PDIA6: variants seen among roughly 807,000 people sequenced by gnomAD.
The protein encoded by PDIA6 is protein disulfide-isomerase A6.
A neutral mutation model predicts 58.4 loss-of-function variants in PDIA6; 29 were observed. That is an observed-to-expected ratio of 0.50 (90% CI 0.37 to 0.68). The LOEUF (loss-of-function observed/expected upper bound fraction) is 0.68, where lower values mean the gene tolerates loss of function less well. PDIA6 is among the 30% of genes least tolerant of loss of function. PDIA6 has a pLI of 0.00. For synonymous variants in PDIA6, 192 were observed against 202.6 expected (o/e 0.95, Z 0.44); for missense variants, 480 against 551.0 (o/e 0.87, Z 1.29).
chr2:10,812,860 GC>G, upstream of PDIA6: 2 of 1,161,934 alleles, frequency 1.7e-6, no homozygotes, highest in Non-Finnish European at 2.1e-6. Flanking sequence ...AGCCGTGGCT[GC>G]GGCTCATTGG....
At chr2:10,822,530 A>G (rs1686494) in intron 1 of PDIA6, among the ~76,000 whole-genome samples, 150,992 of 152,272 alleles carry the variant, frequency 0.99, 74,878 homozygotes, top group Middle Eastern at 1. Context: ...CCAAAGTGCT[A>G]GGATTACAGG....
chr2:10,796,522 GA>G lies in PDIA6; in HGVS notation c.346+558del, dbSNP rs1360458559. On this transcript the variant is annotated intron_variant, in intron 4 of 12. Transcript: ENST00000272227. ...TCTTAAAAAAAAAAAAAAAAGAAAAGAAAAAAAGAATAGTGTGGCTGAAATA... is the reference window on the plus strand; with the variant it reads ...TCTTAAAAAAAAAAAAAAAAGAAAAGAAAAAAGAATAGTGTGGCTGAAATA... Among the ~76,000 whole-genome samples the G allele has an allele frequency of 4.0e-5, 6 of 149,044 alleles. No individual in the cohort carries two copies. The South Asian group carries it at 6.4e-4, about 16-fold the overall frequency.
intron 1 of PDIA6, among the ~76,000 whole-genome samples, chr2:10,808,148 G>A (rs753942633): frequency 2.6e-5 from 4 of 152,222 alleles, no homozygotes; most frequent in East Asian, 1.9e-4. Context: ...ATCATTCAGA[G>A]GAAAGAATAG....
chr2:10,812,723 C>A lies in PDIA6; in HGVS notation c.-27G>T. The A allele has an allele frequency of 1.3e-6, 2 of 1,501,386 alleles. No homozygotes were observed. Among genetic ancestry groups the A allele is most frequent in the East Asian group, 2.9e-5 (1 of 34,984 alleles). The allele number at this position is 1,501,386 out of a possible 1,614,324, so 93.0% of individuals were successfully genotyped here. ...CCGAGCGCCGGGCTACGTGCAGTCC[C>A]CACCGCCGCCGCCGCTTCAGCCCTG... On this transcript the variant is annotated 5_prime_UTR_variant, in exon 1 of 13. Coordinates refer to ENST00000272227, the MANE Select transcript of PDIA6 (RefSeq NM_005742.4).
chr2:10,797,508 T>C (rs1330864913), intron 3 of PDIA6, among the ~76,000 whole-genome samples, 192 bp downstream of exon 3: 2 of 152,242 alleles, frequency 1.3e-5, no homozygotes, highest in African/African-American at 4.8e-5. Flanking sequence ...AAATGTGTAT[T>C]ATCCCCTTGT....
chr2:10,806,893 A>T (rs1262754985), intron 1 of PDIA6, among the ~76,000 whole-genome samples: 2 of 152,226 alleles, frequency 1.3e-5, no homozygotes, highest in African/African-American at 4.8e-5. Context: ...AAGAGAAATA[A>T]GCTATACCAT....
chr2:10,809,764 A>C (rs1346247121), intron 1 of PDIA6, among the ~76,000 whole-genome samples: 2 of 151,924 alleles, frequency 1.3e-5, no homozygotes, highest in Non-Finnish European at 2.9e-5. Context: ...GTACTTGCTC[A>C]GTACACTGAG....
At chr2:10,799,917 A>G (rs1025026543) in intron 2 of PDIA6, among the ~76,000 whole-genome samples, 5 of 152,200 alleles carry the variant, frequency 3.3e-5, no homozygotes, top group African/African-American at 1.2e-4. Context: ...AAAAAGAAAA[A>G]AAAAAAAAAA....
chr2:10,797,854 T>C (rs17365181), intron 2 of PDIA6, 97 bp from the exon 3 acceptor site: 162,070 of 898,508 alleles, frequency 0.18, 16,024 homozygotes, highest in Non-Finnish European at 0.22. Flanking sequence ...CAATGGTCTA[T>C]TGAATGAGAT....
chr2:10,817,668 C>T (rs141881847), upstream of PDIA6, among the ~76,000 whole-genome samples: 36 of 152,262 alleles, frequency 2.4e-4, no homozygotes, highest in East Asian at 9.6e-4. Context: ...TTCCACCAGG[C>T]GGAATTGTTG....
upstream of PDIA6, among the ~76,000 whole-genome samples, chr2:10,833,325 G>C (rs769636128): frequency 2.6e-5 from 4 of 152,196 alleles, no homozygotes; most frequent in Non-Finnish European, 4.4e-5. Context: ...TCCCGCAGTT[G>C]TTAATCATCC....
chr2:10,816,523 TTTC>T (rs1667201344), upstream of PDIA6, among the ~76,000 whole-genome samples: 1 of 121,772 alleles, frequency 8.2e-6, no homozygotes, highest in African/African-American at 3.4e-5. Context: ...CTTTTTGTGC[TTTC>T]TTTTTTTTTT....
chr2:10,818,068 G>C (rs1169768008), intron 2 of PDIA6, among the ~76,000 whole-genome samples: 1 of 152,134 alleles, frequency 6.6e-6, no homozygotes, highest in East Asian at 1.9e-4. Context: ...CAGATCATAG[G>C]TAGAGTCGAG....
upstream of PDIA6, chr2:10,815,390 G>GT (rs1667160621): frequency 6.6e-6 from 1 of 152,022 alleles, no homozygotes; most frequent in African/African-American, 2.4e-5. Flanking sequence ...GAAGCCCCTG[G>GT]TACAGTGGAG....
In PDIA6 at chr2:10,791,847, C is replaced by T; in HGVS notation, c.532G>A (p.Glu178Lys). Residue 178 changes from glutamate to lysine, a missense_variant, in exon 6 of 13, where the codon GAA (glutamate) becomes AAA (lysine). Transcript: ENST00000272227. ...TAGAACTCAACCATCCAAACATCTT[C>T]ACTGTCCAGAACATTCTTATCAAAG... The part of the protein sequence containing the change: ...DSFDKNVLDS[E>K]DVWMVEFYAP... 6.2e-7 allele frequency: 1 copy of T among 1,614,164 alleles called. No individual in the cohort carries two copies. The highest frequency in any genetic ancestry group is 1.1e-5 in the South Asian group (1 of 91,082).
intron 1 of PDIA6, among the ~76,000 whole-genome samples, chr2:10,830,738 A>G (rs956233478): frequency 1.3e-5 from 2 of 152,216 alleles, no homozygotes. Context: ...CTGCCCCTCC[A>G]GGCCCTCGGG....
intron 1 of PDIA6, chr2:10,810,398 C>G (rs1193069236): frequency 6.8e-7 from 1 of 1,464,714 alleles, no homozygotes; most frequent in Non-Finnish European, 9.0e-7. Flanking sequence ...CAGTCCTCTC[C>G]TCTTCATGCT....
upstream of PDIA6, among the ~76,000 whole-genome samples, chr2:10,817,743 T>A (rs1008884047): frequency 2.0e-5 from 3 of 152,208 alleles, no homozygotes; most frequent in Non-Finnish European, 4.4e-5. Flanking sequence ...ACTGGAGCAG[T>A]GACAGGGAAG....
intron 1 of PDIA6, among the ~76,000 whole-genome samples, chr2:10,825,123 C>T (rs1228255988): frequency 1.3e-5 from 2 of 152,180 alleles, no homozygotes; most frequent in Non-Finnish European, 2.9e-5. Flanking sequence ...GCTTCCTGCC[C>T]TCAAACATCA....
Sources: gnomAD v4.1 joint callset for allele counts (sites outside exome capture counted in the v4.1 genomes callset) on GRCh38, gnomAD v4.1.1 for gene constraint, MANE v1.5 for transcripts, NCBI Gene and HGNC (gene_info 2026-07-23, HGNC 2026-07-21) for gene names.